The following NEK9 variants were observed in gnomAD, a reference collection of about 807,000 sequenced individuals.
The protein encoded by NEK9 is serine/threonine-protein kinase Nek9.
Under a neutral mutation model 123.4 loss-of-function variants are expected in NEK9, and 75 were observed. The ratio of observed to expected loss-of-function variants is 0.61; its 90% CI spans 0.50 to 0.74. The LOEUF (loss-of-function observed/expected upper bound fraction) is 0.74, where lower values mean the gene tolerates loss of function less well. Ranked by LOEUF, NEK9 falls within the 30% of genes least tolerant of loss-of-function variation. The pLI is 0.00. For missense variants in NEK9, 952 were observed against 1,214.4 expected, an observed-to-expected ratio of 0.78 and a Z score of 3.21; for synonymous variants, 438 against 458.7, an observed-to-expected ratio of 0.95 and a Z score of 0.58.
chr14:75,103,530 C>T (rs1341749552), intron 14 of NEK9, among the ~76,000 whole-genome samples: 1 of 152,128 alleles, frequency 6.6e-6, no homozygotes, highest in Non-Finnish European at 1.5e-5. Context: ...AAAACCATTA[C>T]AGATCAAGAT....
chr14:75,114,346 TTATA>T (rs1419926500), intron 6 of NEK9, 33 bp from the exon 7 acceptor site: 1 of 1,524,496 alleles, frequency 6.6e-7, no homozygotes, highest in Admixed American at 1.7e-5. Flanking sequence ...TTGTTCCTGG[TTATA>T]TAAAGATGAT....
intron 19 of NEK9, among the ~76,000 whole-genome samples, chr14:75,090,965 C>T (rs924401748): frequency 1.1e-4 from 17 of 152,168 alleles, no homozygotes; most frequent in African/African-American, 4.1e-4. Flanking sequence ...CTATAAATGA[C>T]AGTATAAAAT....
At chr14:75,115,172 G>GTT (rs1396968347) in intron 6 of NEK9, among the ~76,000 whole-genome samples, 2 of 151,934 alleles carry the variant, frequency 1.3e-5, no homozygotes, top group African/African-American at 2.4e-5. Context: ...CTGGAGTGCA[G>GTT]TGACACGATC....
intron 7 of NEK9, 32 bp downstream of exon 7, chr14:75,114,171 G>GA (rs778906611): frequency 6.7e-7 from 1 of 1,482,828 alleles, no homozygotes; most frequent in East Asian, 2.3e-5. Flanking sequence ...GGGGAAATAC[G>GA]AAACTGAAGT....
chr14:75,090,027 T>C (rs1348923676), intron 19 of NEK9, among the ~76,000 whole-genome samples: 1 of 152,076 alleles, frequency 6.6e-6, no homozygotes, highest in Non-Finnish European at 1.5e-5. Flanking sequence ...AGATGGGGTT[T>C]CACCATGATT....
intron 16 of NEK9, among the ~76,000 whole-genome samples, chr14:75,100,612 C>G (rs1351141504): frequency 6.6e-6 from 1 of 152,210 alleles, no homozygotes; most frequent in Non-Finnish European, 1.5e-5. Context: ...CCCCAGCCAA[C>G]AGAGAAAATA....
intron 8 of NEK9, 146 bp from the exon 9 acceptor site, chr14:75,110,517 A>C: frequency 1.6e-6 from 1 of 625,678 alleles, no homozygotes; most frequent in Non-Finnish European, 2.8e-6. Flanking sequence ...AAGTACCTCA[A>C]TACAACTCAA....
chr14:75,111,664 G>A (rs1203192576), intron 8 of NEK9, among the ~76,000 whole-genome samples: 1 of 152,182 alleles, frequency 6.6e-6, no homozygotes, highest in Non-Finnish European at 1.5e-5. Flanking sequence ...GCCGATGCAG[G>A]CAGATCACCT....
chr14:75,124,996 A>T (rs546296057), intron 1 of NEK9, among the ~76,000 whole-genome samples: 1 of 150,422 alleles, frequency 6.6e-6, no homozygotes, highest in South Asian at 2.1e-4. Flanking sequence ...GCTGGTCTAG[A>T]ACTCCTGGCC....
At chr14:75,115,044 T>C (rs907343150) in intron 6 of NEK9, among the ~76,000 whole-genome samples, 10 of 145,212 alleles carry the variant, frequency 6.9e-5, no homozygotes, top group Non-Finnish European at 1.5e-4. Flanking sequence ...TATATGTGCA[T>C]GTGTACATGT....
chr14:75,107,278 G>A lies in NEK9; in HGVS notation c.1327+65C>T, dbSNP rs1341820139. ...TTGTTTTAAAATCCCAACTAAGATT[G>A]CACAGCATTAAGCAAAATACCCCCA... On this transcript the variant is annotated intron_variant, in intron 11 of 21. Transcript: ENST00000238616. 11 of 1,517,886 alleles carry A rather than the reference G, an allele frequency of 7.2e-6. No individual in the cohort carries two copies. In the Admixed American group the frequency reaches 2.0e-4, roughly 27 times the overall value. 94.0% of individuals were successfully genotyped at this position (1,517,886 alleles called of 1,614,324 possible). A position where few individuals can be genotyped will look rare whatever the true frequency, so the allele number is the denominator to read the frequency against.
chr14:75,111,010 C>G (rs901654841), intron 8 of NEK9, among the ~76,000 whole-genome samples: 11 of 152,198 alleles, frequency 7.2e-5, no homozygotes, highest in African/African-American at 2.7e-4. Flanking sequence ...TCACTTACTA[C>G]AGTCTTAATC....
chr14:75,112,730 G>T (rs1452319042), intron 8 of NEK9, among the ~76,000 whole-genome samples: 3 of 152,170 alleles, frequency 2.0e-5, no homozygotes, highest in Admixed American at 1.3e-4. Flanking sequence ...GCTGAGGTGT[G>T]AGAATCACTT....
At position 75,081,293 on chromosome 14, in the gene NEK9, C is replaced by T. The variant is rs935209616; in HGVS notation, c.*3271G>A. 1.3e-5 allele frequency: 2 copies of T among 152,186 alleles called. No homozygotes were observed. The highest frequency in any genetic ancestry group is 6.5e-5 in the Admixed American group (1 of 15,270). 9.4% of individuals were successfully genotyped at this position (152,186 alleles called of 1,614,324 possible). On this transcript the variant is annotated 3_prime_UTR_variant, in exon 22 of 22. Transcript: ENST00000238616. This position sits in a 1 kb window ranked among gnomAD's most constrained non-coding sequence, Gnocchi z 4.2. ...TGTATGTAATGCAGCACAGCACCTT[C>T]TGGCCAATGTTTGCTTTCATTATCA... is the stretch of plus-strand genomic sequence containing the variant.
Position 75,107,212 on chromosome 14 carries a change from T to G in NEK9, c.1327+131A>C, listed in dbSNP as rs1894807273. On this transcript the variant is annotated intron_variant, in intron 11 of 21. Transcript: ENST00000238616. ...AATTTGGTATGTTATTATTAATGAG[T>G]ATATTTGCTCAAGGTCCTCTGGTTC... 1.5e-5 allele frequency: 13 copies of G among 883,368 alleles called. No homozygotes were observed. The South Asian group carries it at 2.1e-4, about 14-fold the overall frequency. 54.7% of individuals were successfully genotyped at this position (883,368 alleles called of 1,614,324 possible). A position where few individuals can be genotyped will look rare whatever the true frequency, so the allele number is the denominator to read the frequency against.
chr14:75,124,160 C>A lies in NEK9; in HGVS notation c.283G>T (p.Asp95Tyr), dbSNP rs1371669878. Reference protein sequence around the residue: ...LTRLSEKERRDALNEIVILAL... With the variant: ...LTRLSEKERRYALNEIVILAL... ...AGAATAACAATCTCATTCAAGGCATCACGACGTTCCTTCTCAGACAGCCGG... is the reference window on the plus strand; with the variant it reads ...AGAATAACAATCTCATTCAAGGCATAACGACGTTCCTTCTCAGACAGCCGG... The change falls in exon 2 of 22, where the codon GAT (aspartate) becomes TAT (tyrosine). Residue 95 changes from aspartate (D) to tyrosine (Y), a missense_variant. Asp to Tyr is a radical substitution (Grantham distance 160, BLOSUM62 -3). Coordinates refer to ENST00000238616, the MANE Select transcript of NEK9 (RefSeq NM_033116.6). 3 of 1,614,108 alleles carry A rather than the reference C, an allele frequency of 1.9e-6. No individual in the cohort carries two copies. Among genetic ancestry groups the A allele is most frequent in the Non-Finnish European group, 2.5e-6 (3 of 1,179,978 alleles).
intron 13 of NEK9, among the ~76,000 whole-genome samples, chr14:75,105,152 G>A (rs1329689590): frequency 2.6e-5 from 4 of 152,160 alleles, no homozygotes; most frequent in African/African-American, 7.2e-5. Flanking sequence ...ATGGATGTGT[G>A]TAAAACCTGA....
Position 75,081,214 on chromosome 14 carries a change from G to C in NEK9, c.*3350C>G, listed in dbSNP as rs1312671253. On this transcript the variant is annotated 3_prime_UTR_variant, in exon 22 of 22. Transcript: ENST00000238616. This position sits in a 1 kb window ranked among gnomAD's most constrained non-coding sequence, Gnocchi z 4.2. ...CCGCCTCGGCCTCCCAAAGTGCTGG[G>C]ATTACAGGCGTGAGCCACTGCGTCT... 2 of 152,290 alleles carry C rather than the reference G, an allele frequency of 1.3e-5. No individual in the cohort carries two copies. The highest frequency in any genetic ancestry group is 4.8e-5 in the African/African-American group (2 of 41,446). The allele number at this position is 152,290 out of a possible 1,614,324, so 9.4% of individuals were successfully genotyped here. A position where few individuals can be genotyped will look rare whatever the true frequency, so the allele number is the denominator to read the frequency against.
At chr14:75,113,245 C>A in intron 8 of NEK9, 94 bp downstream of exon 8, 1 of 973,004 alleles carries the variant, frequency 1.0e-6, no homozygotes, top group South Asian at 1.4e-5. Flanking sequence ...GCAACCAAGT[C>A]AGGAAACACT....
Sources: gnomAD v4.1 joint callset for allele counts (sites outside exome capture counted in the v4.1 genomes callset) on GRCh38, gnomAD v4.1.1 for gene constraint, Gnocchi (gnomAD v3.1) non-coding constraint, MANE v1.5 for transcripts, NCBI Gene and HGNC (gene_info 2026-07-23, HGNC 2026-07-21) for gene names.